Variants in DTNA observed in about 807,000 individuals in gnomAD.
DTNA encodes the protein dystrophin-related protein 3.
A neutral mutation model predicts 100.7 loss-of-function variants in DTNA; 43 were observed. The ratio of observed to expected loss-of-function variants is 0.43; its 90% CI spans 0.33 to 0.55. The LOEUF (loss-of-function observed/expected upper bound fraction) is 0.55. Ranked by LOEUF, DTNA falls within the 20% of genes least tolerant of loss-of-function variation. The pLI is 0.04. For synonymous variants in DTNA, 349 were observed against 347.9 expected, an observed-to-expected ratio of 1.00 and a Z score of -0.04; for missense variants, 798 against 953.9, an observed-to-expected ratio of 0.84 and a Z score of 2.15.
intron 1 of DTNA, among the ~76,000 whole-genome samples, chr18:34,563,687 C>A (rs1198806815): frequency 2.6e-5 from 4 of 152,304 alleles, no homozygotes; most frequent in South Asian, 4.1e-4. Flanking sequence ...TGAGTTATAA[C>A]TGACAAATTA....
chr18:34,790,920 T>C (rs1324842095), intron 3 of DTNA, among the ~76,000 whole-genome samples: 2 of 152,082 alleles, frequency 1.3e-5, no homozygotes, highest in Non-Finnish European at 2.9e-5. Context: ...GACTAGGTCA[T>C]TGATAGAACC....
At chr18:34,851,973 T>G in intron 15 of DTNA, 45 bp downstream of exon 15, 1 of 1,579,118 alleles carries the variant, frequency 6.3e-7, no homozygotes, top group South Asian at 1.1e-5. Flanking sequence ...AATGTGCGCA[T>G]TCCTTAATAA....
rs942432352 is a variant in DTNA, at chr18:34,873,321, C to T, written c.1744-1918C>T. ...CTTAATAACCACTCTGTCCAACTTC[C>T]CTTCTCTAGTCCCCACTCCCGGCTG... On this transcript the variant is annotated intron_variant, in intron 17 of 22. Transcript: ENST00000444659. Among the ~76,000 whole-genome samples, 3 of 152,186 alleles carry T rather than the reference C, an allele frequency of 2.0e-5. 1 individual carries two copies. Among genetic ancestry groups the T allele is most frequent in the African/African-American group, 7.2e-5 (3 of 41,454 alleles).
intron 1 of DTNA, among the ~76,000 whole-genome samples, chr18:34,521,701 C>G (rs1045573100): frequency 6.6e-6 from 1 of 152,176 alleles, no homozygotes; most frequent in Non-Finnish European, 1.5e-5. Context: ...GGAGCACTTA[C>G]TCCACATCTC....
In DTNA at chr18:34,882,049, CA is replaced by C; in HGVS notation, c.2163-19del. 6.2e-7 allele frequency: 1 copy of C among 1,614,028 alleles called. No homozygotes were observed. ...TCTTTTAAGATTTGCTCTAACATGT[CA>C]TCTGTGGTTTATTTTCAGGGTTACG... On this transcript the variant is annotated intron_variant, in intron 20 of 22. Coordinates refer to ENST00000444659, the MANE Select transcript of DTNA (RefSeq NM_001386795.1).
At chr18:34,781,329 T>C (rs1216398523) in intron 3 of DTNA, among the ~76,000 whole-genome samples, 1 of 152,238 alleles carries the variant, frequency 6.6e-6, no homozygotes, top group Admixed American at 6.5e-5. Context: ...AGACATTGTG[T>C]AATAATTAAA....
At chr18:34,847,572 C>T (rs1173820570) in intron 13 of DTNA, among the ~76,000 whole-genome samples, 1 of 152,198 alleles carries the variant, frequency 6.6e-6, no homozygotes. Context: ...AGGCTGTGAT[C>T]TCATCTGAAG....
At chr18:34,620,091 T>G (rs2056165778) in intron 1 of DTNA, among the ~76,000 whole-genome samples, 1 of 152,174 alleles carries the variant, frequency 6.6e-6, no homozygotes, top group Non-Finnish European at 1.5e-5. Context: ...AAGACAGAAG[T>G]TCCTGTTGGC....
At chr18:34,644,963 T>C (rs1370732707) in intron 1 of DTNA, among the ~76,000 whole-genome samples, 1 of 152,188 alleles carries the variant, frequency 6.6e-6, no homozygotes, top group East Asian at 1.9e-4. Flanking sequence ...GAATTCATGC[T>C]TTCAATTGTT....
intron 3 of DTNA, among the ~76,000 whole-genome samples, chr18:34,768,225 C>G (rs896515911): frequency 2.6e-5 from 4 of 152,026 alleles, no homozygotes; most frequent in Non-Finnish European, 5.9e-5. Flanking sequence ...TAGAGCTTTG[C>G]CAAGCGGAGC....
intron 13 of DTNA, among the ~76,000 whole-genome samples, chr18:34,844,363 C>T (rs2096334788): frequency 1.3e-5 from 2 of 152,080 alleles, no homozygotes; most frequent in South Asian, 2.1e-4. Context: ...GAGTTAGTTT[C>T]TTTCCCCATT....
At chr18:34,714,431 A>G (rs1417863195) in intron 1 of DTNA, among the ~76,000 whole-genome samples, 3 of 149,436 alleles carry the variant, frequency 2.0e-5, no homozygotes, top group Non-Finnish European at 4.4e-5. Context: ...AAGGACATGA[A>G]CAGACACTTC....
chr18:34,748,077 A>T (rs1601363516), intron 1 of DTNA, among the ~76,000 whole-genome samples: 1 of 152,098 alleles, frequency 6.6e-6, no homozygotes, highest in East Asian at 1.9e-4. Flanking sequence ...GCATTTTTTC[A>T]TATGTTTGTT....
rs2088382926 is a variant in DTNA at position 34,732,066 on chromosome 18, C to T, written c.-2+21621C>T. ...CTATCCAAGTTCCATTTATTAGTATCCCTGAAGCTGAAAAGAAAAGAGAAT... is the reference window on the plus strand; with the variant it reads ...CTATCCAAGTTCCATTTATTAGTATTCCTGAAGCTGAAAAGAAAAGAGAAT... On this transcript the variant is annotated intron_variant, in intron 1 of 22. Coordinates refer to ENST00000444659, the MANE Select transcript of DTNA (RefSeq NM_001386795.1). 5.9e-5 allele frequency among the ~76,000 whole-genome samples: 9 copies of T among 152,304 alleles called. No homozygotes were observed. In the South Asian group the frequency reaches 1.7e-3, roughly 28 times the overall value.
At chr18:34,717,220 C>T (rs2084247096) in intron 1 of DTNA, among the ~76,000 whole-genome samples, 1 of 152,184 alleles carries the variant, frequency 6.6e-6, no homozygotes, top group African/African-American at 2.4e-5. Context: ...GCTAGTGCGA[C>T]TGATGAAACA....
Position 34,827,673 on chromosome 18 carries a change from G to A in DTNA, c.1082G>A (p.Arg361Lys), listed in dbSNP as rs776353848. ...VPSSGSPFIT[R>K]RLPEGISASS... is the part of the protein sequence containing the mutation. ...TCCTCAGGAAGTCCTTTTATTACCA[G>A]GAGGTAAGTTCCAACCCTATTATAA... Residue 361 changes from arginine (R) to lysine (K), a missense_variant, in exon 10 of 23, where the codon AGG (arginine) becomes AAG (lysine). Coordinates refer to ENST00000444659, the MANE Select transcript of DTNA (RefSeq NM_001386795.1). 9 of 1,613,586 alleles carry A rather than the reference G, an allele frequency of 5.6e-6. No individual in the cohort carries two copies. Among genetic ancestry groups the A allele is most frequent in the African/African-American group, 1.3e-5 (1 of 74,890 alleles).
In DTNA at chr18:34,858,324, T is replaced by C. The variant is rs756157054; in HGVS notation, c.1572T>C (p.His524=). ...LQEIQRLRLE[H]EQASQPTPEK... is the part of the protein sequence containing the mutation. ...AGATCCAGAGACTTCGGCTAGAGCA[T>C]GAACAAGCTTCTCAGCCCACGCCAG... Residue 524 remains histidine, a synonymous_variant, in exon 16 of 23, where the codon CAT becomes CAC. Transcript: ENST00000444659. The C allele has an allele frequency of 4.3e-6, 7 of 1,614,160 alleles. No individual in the cohort carries two copies. The East Asian group carries it at 1.6e-4, about 36-fold the overall frequency.
chr18:34,591,867 A>C (rs1440450423), intron 1 of DTNA, among the ~76,000 whole-genome samples: 2 of 152,236 alleles, frequency 1.3e-5, no homozygotes, highest in African/African-American at 4.8e-5. Flanking sequence ...GGGCATCAAA[A>C]TATCACTAAA....
chr18:34,875,054 A>C (rs1339058318), intron 17 of DTNA, among the ~76,000 whole-genome samples, 185 bp from the exon 18 acceptor site: 1 of 152,240 alleles, frequency 6.6e-6, no homozygotes, highest in Non-Finnish European at 1.5e-5. Flanking sequence ...TTCAGATTAC[A>C]TACAATAAGG....
Sources: gnomAD v4.1 joint callset for allele counts (sites outside exome capture counted in the v4.1 genomes callset) on GRCh38, gnomAD v4.1.1 for gene constraint, MANE v1.5 for transcripts, NCBI Gene and HGNC (gene_info 2026-07-23, HGNC 2026-07-21) for gene names.